N4BP2: variants seen among roughly 807,000 people sequenced by gnomAD.
N4BP2 encodes NEDD4 binding protein 2.
A neutral mutation model predicts 152.8 loss-of-function variants in N4BP2; 91 were observed. The ratio of observed to expected loss-of-function variants is 0.60; its 90% CI spans 0.50 to 0.71. The LOEUF (loss-of-function observed/expected upper bound fraction) is 0.71. N4BP2 is among the 30% of genes least tolerant of loss of function. N4BP2 has a pLI of 0.00. For synonymous variants in N4BP2, 646 were observed against 705.3 expected, an observed-to-expected ratio of 0.92 and a Z score of 1.33; for missense variants, 1,923 against 2,059.1, an observed-to-expected ratio of 0.93 and a Z score of 1.28.
chr4:40,134,903 T>C (rs75199069), intron 13 of N4BP2, among the ~76,000 whole-genome samples: 2 of 85,264 alleles, frequency 2.3e-5, no homozygotes, highest in Admixed American at 1.3e-4. Context: ...CTTCCTTCCT[T>C]TCTCTCTCTC....
rs1156486747 is a variant in N4BP2, at chr4:40,084,704, A to T, written c.-115+11153A>T. ...GAGTGCAGTGGCATGATCTTGGCTC[A>T]CTGTAACCTCTGCCTCCCGGGTTCA... is the stretch of plus-strand genomic sequence containing the variant. On this transcript the variant is annotated intron_variant, in intron 2 of 17. Transcript: ENST00000261435. Among the ~76,000 whole-genome samples the T allele has an allele frequency of 3.4e-5, 5 of 146,986 alleles. No individual in the cohort carries two copies. In the East Asian group the frequency reaches 8.0e-4, roughly 23 times the overall value.
At chr4:40,063,935 G>A (rs1415208056) in intron 1 of N4BP2, among the ~76,000 whole-genome samples, 3 of 151,808 alleles carry the variant, frequency 2.0e-5, no homozygotes, top group East Asian at 1.9e-4. Flanking sequence ...GTGAGCCACC[G>A]TGCTGGCCAA....
At position 40,123,214 on chromosome 4, in the gene N4BP2, T is replaced by G. The variant is rs778941844; in HGVS notation, c.4284+2T>G. 1.3e-6 allele frequency: 2 copies of G among 1,598,614 alleles called. No homozygotes were observed. Among genetic ancestry groups the G allele is most frequent in the Non-Finnish European group, 1.7e-6 (2 of 1,167,574 alleles). On this transcript the variant is annotated splice_donor_variant, in intron 10 of 17. Transcript: ENST00000261435. LOFTEE classifies it high-confidence loss of function. The stretch of plus-strand genomic sequence containing the variant: ...GAGAAATGGAAAGAATCTGTAATGG[T>G]TGGTAGGCTTCTTTTTATAAAGAGC...
intron 2 of N4BP2, among the ~76,000 whole-genome samples, chr4:40,092,010 ATATAT>A: frequency 3.2e-5 from 1 of 31,378 alleles, no homozygotes; most frequent in Non-Finnish European, 6.5e-5. Flanking sequence ...AAAAAAAATT[ATATAT>A]ATATATATAT....
At chr4:40,068,856 C>T (rs1213750723) in intron 1 of N4BP2, among the ~76,000 whole-genome samples, 5 of 151,806 alleles carry the variant, frequency 3.3e-5, no homozygotes, top group African/African-American at 9.7e-5. Flanking sequence ...CAGTGGCTCA[C>T]GCCTGTAATC....
chr4:40,102,712 T>C lies in N4BP2; in HGVS notation c.867T>C (p.Ser289=). 6.2e-7 allele frequency: 1 copy of C among 1,614,186 alleles called. No homozygotes were observed. The highest frequency in any genetic ancestry group is 8.5e-7 in the Non-Finnish European group (1 of 1,180,042). ...FSEAPVDLDA[S]EPQACLNLPG... The stretch of plus-strand genomic sequence containing the variant: ...AAGCTCCTGTAGATTTGGATGCCAG[T>C]GAACCTCAGGCTTGTTTAAACCTTC... Residue 289 remains serine (S), a synonymous_variant, in exon 4 of 18, where the codon AGT becomes AGC. Transcript: ENST00000261435.
chr4:40,149,907 A>G (rs1237990865), intron 16 of N4BP2, among the ~76,000 whole-genome samples: 2 of 151,816 alleles, frequency 1.3e-5, no homozygotes, highest in Non-Finnish European at 2.9e-5. Context: ...AAAAAGAAAA[A>G]AAAAAAAAAA....
intron 12 of N4BP2, among the ~76,000 whole-genome samples, chr4:40,127,598 T>TTA (rs944336597): frequency 1.2e-4 from 18 of 152,098 alleles, no homozygotes; most frequent in African/African-American, 4.3e-4. Flanking sequence ...TTAAAGATAA[T>TTA]TATATATATT....
chr4:40,095,046 G>C (rs1714981436), intron 2 of N4BP2, among the ~76,000 whole-genome samples: 1 of 150,828 alleles, frequency 6.6e-6, no homozygotes, highest in Non-Finnish European at 1.5e-5. Flanking sequence ...AACGTGCTGG[G>C]ATTACAGTCG....
the N4BP2 span, among the ~76,000 whole-genome samples, chr4:40,186,855 A>G: frequency 6.6e-6 from 1 of 152,202 alleles, no homozygotes; most frequent in Non-Finnish European, 1.5e-5. Flanking sequence ...ATTTTTCCTG[A>G]TAAGTCATGC....
At chr4:40,113,044 A>G (rs1279119157) in intron 6 of N4BP2, among the ~76,000 whole-genome samples, 1 of 152,132 alleles carries the variant, frequency 6.6e-6, no homozygotes, top group East Asian at 1.9e-4. Flanking sequence ...TTTTTAAAGA[A>G]CATTCTGTCA....
chr4:40,075,815 A>T (rs914694053), intron 2 of N4BP2, among the ~76,000 whole-genome samples: 1 of 152,048 alleles, frequency 6.6e-6, no homozygotes, highest in African/African-American at 2.4e-5. Flanking sequence ...TAACAGATAG[A>T]TACATATTTC....
intron 14 of N4BP2, among the ~76,000 whole-genome samples, chr4:40,141,537 G>C (rs1264890910): frequency 1.3e-5 from 2 of 151,732 alleles, no homozygotes; most frequent in Non-Finnish European, 2.9e-5. Context: ...ATGGCGGCCG[G>C]GAAGAGGCGC....
Position 40,152,829 on chromosome 4 carries a change from A to G in N4BP2, c.5193A>G (p.Arg1731=), listed in dbSNP as rs755825858. The change falls in exon 17 of 18, where the codon AGA becomes AGG. Residue 1731 remains arginine, a synonymous_variant. Transcript: ENST00000261435. The stretch of plus-strand genomic sequence containing the variant: ...CCTATTTGTCTGTGATTACGGGGAG[A>G]GGAAACCACAGCCAGGGAGGAGTTG... The part of the protein sequence containing the change: ...GKPYLSVITG[R]GNHSQGGVAR... 4 of 1,613,862 alleles carry G rather than the reference A, an allele frequency of 2.5e-6. No individual in the cohort carries two copies. The African/African-American group carries it at 5.3e-5, about 22-fold the overall frequency.
chr4:40,119,104 T>TAG (rs1233906406), intron 8 of N4BP2, among the ~76,000 whole-genome samples: 3 of 152,226 alleles, frequency 2.0e-5, no homozygotes, highest in African/African-American at 7.2e-5. Context: ...TCTGACAAGT[T>TAG]ACAAATCTTT....
At chr4:40,162,226 G>A (rs1267050359), downstream of N4BP2, among the ~76,000 whole-genome samples, 2 of 152,168 alleles carry the variant, frequency 1.3e-5, no homozygotes, top group South Asian at 2.1e-4. Context: ...CTGGGGCTGG[G>A]TGTGGTGGCT....
the N4BP2 span, among the ~76,000 whole-genome samples, chr4:40,181,806 G>A: frequency 2.0e-4 from 31 of 152,262 alleles, no homozygotes; most frequent in South Asian, 6.2e-4. Context: ...AAAATTAGCC[G>A]AGCATGGTGG....
At chr4:40,069,704 TGGA>T (rs1201234251) in intron 1 of N4BP2, among the ~76,000 whole-genome samples, 2 of 152,172 alleles carry the variant, frequency 1.3e-5, no homozygotes, top group African/African-American at 4.8e-5. Context: ...AGCCAGGAGT[TGGA>T]GACCAGTGTG....
At position 40,152,900 on chromosome 4, in the gene N4BP2, T is replaced by A; in HGVS notation, c.5264T>A (p.Phe1755Tyr). Residue 1755 changes from phenylalanine to tyrosine, a missense_variant, in exon 17 of 18, where the codon TTC (phenylalanine) becomes TAC (tyrosine). Physicochemically the swap from Phe to Tyr is conservative, Grantham distance 22. Coordinates refer to ENST00000261435, the MANE Select transcript of N4BP2 (RefSeq NM_018177.6). ...ATTAAGTACCTCATAAGCCATAGCT[T>A]CAGGTGAGTGTAGATTTCTGTTATT... Reference protein sequence around the residue: ...AVIKYLISHSFRFSEIKPGCL... With the variant: ...AVIKYLISHSYRFSEIKPGCL... 6.2e-7 allele frequency: 1 copy of A among 1,613,960 alleles called. No individual in the cohort carries two copies. Among genetic ancestry groups the A allele is most frequent in the Non-Finnish European group, 8.5e-7 (1 of 1,179,892 alleles).
Sources: gnomAD v4.1 joint callset for allele counts (sites outside exome capture counted in the v4.1 genomes callset) on GRCh38, gnomAD v4.1.1 for gene constraint, MANE v1.5 for transcripts, NCBI Gene and HGNC (gene_info 2026-07-23, HGNC 2026-07-21) for gene names.